TRIM24: variants seen among roughly 807,000 people sequenced by gnomAD.
TRIM24 encodes the protein transcription intermediary factor 1-alpha.
In TRIM24, 29 loss-of-function variants were observed where a neutral mutation model predicts 123.9. That is an observed-to-expected ratio of 0.23 (90% CI 0.17 to 0.32). The LOEUF (loss-of-function observed/expected upper bound fraction) is 0.32, where lower values mean the gene tolerates loss of function less well. Ranked by LOEUF, TRIM24 falls within the 10% of genes least tolerant of loss-of-function variation. The pLI is 1.00. For missense variants in TRIM24, 932 were observed against 1,295.3 expected, an observed-to-expected ratio of 0.72 and a Z score of 4.31; for synonymous variants, 456 against 461.1, an observed-to-expected ratio of 0.99 and a Z score of 0.14.
rs959323428 is a variant in TRIM24 at position 138,568,128 on chromosome 7, A to AT, written c.1704+482dup. ...ACAGCTTATTTATTTTTATTTTTTT[A>AT]TTTTTTTTGAGACAGAGTCTCTCTC... On this transcript the variant is annotated intron_variant, in intron 10 of 18. Transcript: ENST00000343526. 1.1e-4 allele frequency among the ~76,000 whole-genome samples: 17 copies of AT among 150,956 alleles called. 1 individual carries two copies. The highest frequency in any genetic ancestry group is 1.2e-4 in the African/African-American group (5 of 41,130).
At chr7:138,470,495 G>A (rs1316051659) in intron 1 of TRIM24, among the ~76,000 whole-genome samples, 1 of 152,180 alleles carries the variant, frequency 6.6e-6, no homozygotes, top group Non-Finnish European at 1.5e-5. Context: ...CTAAATGTCT[G>A]TCAAAAAATA....
At chr7:138,527,251 T>G (rs1195780216) in intron 5 of TRIM24, among the ~76,000 whole-genome samples, 2 of 150,534 alleles carry the variant, frequency 1.3e-5, no homozygotes, top group Non-Finnish European at 1.5e-5. Context: ...TTTTTCAAAT[T>G]TCTTCTTTTA....
chr7:138,551,492 G>C (rs1019434411), intron 8 of TRIM24, among the ~76,000 whole-genome samples: 6 of 152,046 alleles, frequency 3.9e-5, no homozygotes, highest in African/African-American at 1.2e-4. Context: ...CTTTGAAAAC[G>C]TTTTCATTAT....
At chr7:138,583,028 T>C (rs1797935789) in intron 17 of TRIM24, among the ~76,000 whole-genome samples, 1 of 152,226 alleles carries the variant, frequency 6.6e-6, no homozygotes, top group African/African-American at 2.4e-5. Context: ...CCCCTTTTTC[T>C]TAATAAATAT....
chr7:138,519,287 C>T lies in TRIM24; in HGVS notation c.730C>T (p.Arg244Ter). Residue 244 changes from arginine (R) to a stop codon, truncating the protein, a stop_gained, in exon 4 of 19, where the codon CGA (arginine) becomes TGA (stop). Coordinates refer to ENST00000343526, the MANE Select transcript of TRIM24 (RefSeq NM_015905.3). LOFTEE classifies it high-confidence loss of function. ...YCETCDKLTCRDCQLLEHKEH... is the reference protein window; with the variant it reads ...YCETCDKLTC ...TGAGACATGTGACAAACTGACATGTCGAGACTGTCAGTTGTTAGAACATAA... is the reference window on the plus strand; with the variant it reads ...TGAGACATGTGACAAACTGACATGTTGAGACTGTCAGTTGTTAGAACATAA... 3 of 1,613,066 alleles carry T rather than the reference C, an allele frequency of 1.9e-6. No individual in the cohort carries two copies. Among genetic ancestry groups the T allele is most frequent in the Non-Finnish European group, 2.5e-6 (3 of 1,179,674 alleles).
At chr7:138,520,514 A>G (rs1055759319) in intron 4 of TRIM24, among the ~76,000 whole-genome samples, 32 of 152,210 alleles carry the variant, frequency 2.1e-4, no homozygotes, top group Non-Finnish European at 1.5e-4. Context: ...CAATGCGAAC[A>G]TAGTGAGACC....
At chr7:138,484,968 T>C (rs1209663210) in intron 1 of TRIM24, among the ~76,000 whole-genome samples, 3 of 152,068 alleles carry the variant, frequency 2.0e-5, no homozygotes, top group East Asian at 1.9e-4. Flanking sequence ...TTTATTGATA[T>C]AGGTAGTTGA....
intron 1 of TRIM24, among the ~76,000 whole-genome samples, chr7:138,469,811 T>C (rs1327621660): frequency 6.6e-6 from 1 of 152,230 alleles, no homozygotes; most frequent in African/African-American, 2.4e-5. Context: ...GTCACATGAA[T>C]AAGCATGTCA....
chr7:138,505,755 T>C (rs1796139823), intron 2 of TRIM24, among the ~76,000 whole-genome samples: 1 of 152,212 alleles, frequency 6.6e-6, no homozygotes, highest in Non-Finnish European at 1.5e-5. Flanking sequence ...AGAGATCCAA[T>C]GGTGTTTTTC....
chr7:138,470,450 A>G (rs1052073902), intron 1 of TRIM24, among the ~76,000 whole-genome samples: 9 of 152,328 alleles, frequency 5.9e-5, no homozygotes, highest in African/African-American at 1.9e-4. Context: ...TGTACTTGTA[A>G]AAATAGGTTT....
chr7:138,519,473 T>A, intron 4 of TRIM24, 152 bp downstream of exon 4: 1 of 809,546 alleles, frequency 1.2e-6, no homozygotes, highest in Non-Finnish European at 1.9e-6. Flanking sequence ...CTTTTGACAC[T>A]ATTGATGTTT....
chr7:138,528,192 A>G (rs1297139817), intron 5 of TRIM24, among the ~76,000 whole-genome samples: 3 of 152,214 alleles, frequency 2.0e-5, no homozygotes, highest in Non-Finnish European at 4.4e-5. Context: ...AGGCCCGCCC[A>G]GGCATGTCTC....
chr7:138,543,466 G>A (rs1015097614), intron 7 of TRIM24, among the ~76,000 whole-genome samples: 3 of 151,964 alleles, frequency 2.0e-5, no homozygotes, highest in Admixed American at 1.3e-4. Context: ...TCATTATATT[G>A]TATAACTCTG....
rs1408895553 is a variant in TRIM24 at position 138,508,688 on chromosome 7, T to TGC, written c.483+4281_483+4282insCG. ...GTGTGTGTGTGTGTGTGTGTGTGTG[T>TGC]GTGTGCGCGCGCGTGTGTGCGTGTG... On this transcript the variant is annotated intron_variant, in intron 2 of 18. Transcript: ENST00000343526. 8.1e-3 allele frequency among the ~76,000 whole-genome samples: 743 copies of TGC among 91,610 alleles called. 4 individuals carry two copies. The highest frequency in any genetic ancestry group is 0.032 in the African/African-American group (616 of 19,212). 60.1% of individuals were successfully genotyped at this position (91,610 alleles called of 152,430 possible). A position where few individuals can be genotyped will look rare whatever the true frequency, so the allele number is the denominator to read the frequency against.
intron 7 of TRIM24, among the ~76,000 whole-genome samples, chr7:138,540,855 T>C (rs1796988982): frequency 2.0e-5 from 3 of 152,202 alleles, no homozygotes; most frequent in Admixed American, 2.0e-4. Context: ...TTTTTTGTTT[T>C]TGAGATGGAG....
intron 7 of TRIM24, among the ~76,000 whole-genome samples, chr7:138,544,332 T>C (rs1584730735): frequency 6.6e-6 from 1 of 152,346 alleles, no homozygotes; most frequent in African/African-American, 2.4e-5. Flanking sequence ...TCATCCTTGT[T>C]ATCACAAATA....
chr7:138,495,515 A>T (rs533520144), intron 1 of TRIM24, among the ~76,000 whole-genome samples: 1 of 152,144 alleles, frequency 6.6e-6, no homozygotes, highest in South Asian at 2.1e-4. Context: ...TAACAGGCCT[A>T]CTTTTGTCTT....
chr7:138,544,139 C>A (rs1257298463), intron 7 of TRIM24, among the ~76,000 whole-genome samples: 1 of 152,184 alleles, frequency 6.6e-6, no homozygotes, highest in Admixed American at 6.5e-5. Context: ...AATGCTTATT[C>A]ATTCTACCTA....
chr7:138,510,410 T>G (rs1284229868), intron 2 of TRIM24, among the ~76,000 whole-genome samples: 3 of 151,968 alleles, frequency 2.0e-5, no homozygotes, highest in Non-Finnish European at 4.4e-5. Flanking sequence ...TGGTTTTTTT[T>G]GTTTGTTTGT....
Sources: gnomAD v4.1 joint callset for allele counts (sites outside exome capture counted in the v4.1 genomes callset) on GRCh38, gnomAD v4.1.1 for gene constraint, MANE v1.5 for transcripts, NCBI Gene and HGNC (gene_info 2026-07-23, HGNC 2026-07-21) for gene names.